Variants in NF1 observed in about 807,000 individuals in gnomAD.
NF1 encodes the protein neurofibromin.
NF1 carries 122 observed loss-of-function variants against 325.7 expected under a neutral mutation model. The ratio of observed to expected loss-of-function variants is 0.37; its 90% CI spans 0.32 to 0.44. The LOEUF (loss-of-function observed/expected upper bound fraction) is 0.44. NF1 is among the 20% of genes least tolerant of loss of function. The pLI is 1.00. For missense variants in NF1, 2,140 were observed against 3,415.4 expected, an observed-to-expected ratio of 0.63 and a Z score of 9.31; for synonymous variants, 1,091 against 1,186.0, an observed-to-expected ratio of 0.92 and a Z score of 1.65.
At chr17:31,323,831 ATC>A (rs895148829) in intron 36 of NF1, among the ~76,000 whole-genome samples, 15 of 150,982 alleles carry the variant, frequency 9.9e-5, no homozygotes, top group African/African-American at 2.7e-4. Flanking sequence ...GTTTGTGTTA[ATC>A]TCTCTCTCTC....
chr17:31,370,656 A>G (rs966310149), intron 57 of NF1, among the ~76,000 whole-genome samples: 1 of 152,146 alleles, frequency 6.6e-6, no homozygotes, highest in Non-Finnish European at 1.5e-5. Flanking sequence ...CAGGAATAAC[A>G]CTGTGCCCAA....
At chr17:31,312,365 G>A (rs1397146252) in intron 36 of NF1, among the ~76,000 whole-genome samples, 1 of 151,886 alleles carries the variant, frequency 6.6e-6, no homozygotes, top group African/African-American at 2.4e-5. Context: ...CAAAAAATTA[G>A]CCAGGCGTGG....
Position 31,337,809 on chromosome 17 carries a change from C to T in NF1, c.6643-10C>T, listed in dbSNP as rs1597844527. 1 of 1,613,304 alleles carries T rather than the reference C, an allele frequency of 6.2e-7. No individual in the cohort carries two copies. The highest frequency in any genetic ancestry group is 1.3e-5 in the African/African-American group (1 of 74,972). On this transcript the variant is annotated splice_polypyrimidine_tract_variant and intron_variant, in intron 43 of 57. Coordinates refer to ENST00000358273, the MANE Select transcript of NF1 (RefSeq NM_001042492.3). Reference sequence around the variant, plus strand: ...TGTACAATATGTATTCAGAGTATCCCCTTTTTTAGGCATGCATGAGAGATA... The same window carrying T: ...TGTACAATATGTATTCAGAGTATCCTCTTTTTTAGGCATGCATGAGAGATA...
chr17:31,148,788 A>G (rs940228671), intron 1 of NF1, among the ~76,000 whole-genome samples: 1 of 152,126 alleles, frequency 6.6e-6, no homozygotes, highest in African/African-American at 2.4e-5. Context: ...ATACATTTAT[A>G]CCATTAAAGA....
chr17:31,295,028 A>G lies in NF1; in HGVS notation c.4835+29689A>G, dbSNP rs16972169. 2,263 of 1,614,134 alleles carry G rather than the reference A, an allele frequency of 1.4e-3. 30 individuals are homozygous for G. In the African/African-American group the frequency reaches 0.027, roughly 19 times the overall value. The stretch of plus-strand genomic sequence containing the variant: ...AGACCCTCAGACAGCCAGCATGACC[A>G]CAACATTGAGCAATAAGAGAAATGA... On this transcript the variant is annotated intron_variant, in intron 36 of 57. Transcript: ENST00000358273.
At chr17:31,148,131 T>C (rs1281497839) in intron 1 of NF1, among the ~76,000 whole-genome samples, 1 of 152,204 alleles carries the variant, frequency 6.6e-6, no homozygotes, top group East Asian at 1.9e-4. Context: ...ACAGGTGATT[T>C]TTATATTTCA....
chr17:31,197,059 T>C (rs1263208683), intron 8 of NF1, among the ~76,000 whole-genome samples: 4 of 152,100 alleles, frequency 2.6e-5, no homozygotes, highest in Non-Finnish European at 5.9e-5. Flanking sequence ...TCCTTTTTTT[T>C]TTTGAGATGG....
intron 46 of NF1, 67 bp downstream of exon 46, chr17:31,338,872 A>G: frequency 9.9e-7 from 1 of 1,006,026 alleles, no homozygotes; most frequent in Non-Finnish European, 1.6e-6. Context: ...CTTTCTTTCA[A>G]AGAGTTTAGA....
chr17:31,229,988 T>C lies in NF1; in HGVS notation c.2990+14T>C. On this transcript the variant is annotated intron_variant, in intron 22 of 57. Transcript: ENST00000358273. ...AAATCTGGTCAGGTAAGCATTCTAC[T>C]GAAATGTAGCAGAAACATTTTAAGA... The C allele has an allele frequency of 6.2e-7, 1 of 1,611,642 alleles. No individual in the cohort carries two copies. The highest frequency in any genetic ancestry group is 8.5e-7 in the Non-Finnish European group (1 of 1,179,584).
rs1353410502 is a variant in NF1, at chr17:31,127,863, G to A, written c.61-28120G>A. Among the ~76,000 whole-genome samples, 5 of 151,826 alleles carry A rather than the reference G, an allele frequency of 3.3e-5. No homozygotes were observed. In the East Asian group the frequency reaches 7.7e-4, roughly 23 times the overall value. On this transcript the variant is annotated intron_variant, in intron 1 of 57. Coordinates refer to ENST00000358273, the MANE Select transcript of NF1 (RefSeq NM_001042492.3). ...TTTTTTTCTCTGTGCATCTGTTGAGGGCTTTTAATGTTGAATAGGGGAGAT... is the reference window on the plus strand; with the variant it reads ...TTTTTTTCTCTGTGCATCTGTTGAGAGCTTTTAATGTTGAATAGGGGAGAT...
At chr17:31,123,966 TGG>T (rs952342915) in intron 1 of NF1, among the ~76,000 whole-genome samples, 1 of 152,110 alleles carries the variant, frequency 6.6e-6, no homozygotes, top group Non-Finnish European at 1.5e-5. Context: ...ATTTTTCTTT[TGG>T]GGGGATATTT....
Position 31,232,566 on chromosome 17 carries a change from T to C in NF1, c.3315-134T>C, listed in dbSNP as rs561164821. 3 of 845,888 alleles carry C rather than the reference T, an allele frequency of 3.5e-6. No homozygotes were observed. The African/African-American group carries it at 5.0e-5, about 14-fold the overall frequency. 52.4% of individuals were successfully genotyped at this position (845,888 alleles called of 1,614,324 possible). On this transcript the variant is annotated intron_variant, in intron 25 of 57. Coordinates refer to ENST00000358273, the MANE Select transcript of NF1 (RefSeq NM_001042492.3). ...TTCATAATAAGCCACCCTGGCTGAT[T>C]ATCGCGAGAGAGGAGAGAAACAGTT...
At chr17:31,230,813 C>T (rs373925646) in intron 23 of NF1, 29 bp from the exon 24 acceptor site, 12 of 1,497,082 alleles carry the variant, frequency 8.0e-6, no homozygotes, top group Admixed American at 3.4e-5. Context: ...ACATTGTTTG[C>T]TGTTTCTCTT....
chr17:31,237,401 A>G (rs1441521028), intron 29 of NF1, among the ~76,000 whole-genome samples: 1 of 152,100 alleles, frequency 6.6e-6, no homozygotes, highest in African/African-American at 2.4e-5. Context: ...CAGCCTCCCA[A>G]GTAGCTGGGA....
At chr17:31,161,781 A>C (rs1214330047) in intron 3 of NF1, among the ~76,000 whole-genome samples, 1 of 152,212 alleles carries the variant, frequency 6.6e-6, no homozygotes, top group Non-Finnish European at 1.5e-5. Flanking sequence ...CACGCCTGGA[A>C]TCCCAGCACT....
intron 57 of NF1, among the ~76,000 whole-genome samples, chr17:31,372,511 A>G (rs17878287): frequency 0.013 from 1,958 of 152,288 alleles, 93 homozygotes; most frequent in East Asian, 0.12. Context: ...TAAAATGTAA[A>G]CACACTTGAA....
At position 31,298,637 on chromosome 17, in the gene NF1, T is replaced by C. The variant is rs759457999; in HGVS notation, c.4836-27183T>C. On this transcript the variant is annotated intron_variant, in intron 36 of 57. Coordinates refer to ENST00000358273, the MANE Select transcript of NF1 (RefSeq NM_001042492.3). ...ACATAGAAGTTTATTGTTGATTGGG[T>C]GCTTTATTGCCACTTTACTTTGAGG... is the stretch of plus-strand genomic sequence containing the variant. 3.9e-5 allele frequency among the ~76,000 whole-genome samples: 6 copies of C among 152,112 alleles called. No individual in the cohort carries two copies. The East Asian group carries it at 1.2e-3, about 29-fold the overall frequency.
chr17:31,332,551 T>A (rs935073692), intron 39 of NF1, among the ~76,000 whole-genome samples: 1 of 151,488 alleles, frequency 6.6e-6, no homozygotes, highest in African/African-American at 2.4e-5. Flanking sequence ...AAAAAGTGGA[T>A]TAACAGTAAC....
chr17:31,097,780 C>T (rs911986055), intron 1 of NF1, among the ~76,000 whole-genome samples: 20 of 152,142 alleles, frequency 1.3e-4, no homozygotes, highest in African/African-American at 4.6e-4. Flanking sequence ...CATTGCAACC[C>T]CTGCTTCCCA....
Sources: gnomAD v4.1 joint callset for allele counts (sites outside exome capture counted in the v4.1 genomes callset) on GRCh38, gnomAD v4.1.1 for gene constraint, MANE v1.5 for transcripts, NCBI Gene and HGNC (gene_info 2026-07-23, HGNC 2026-07-21) for gene names.